The following SMAD2 variants were observed in gnomAD, a reference collection of about 807,000 sequenced individuals.
SMAD2 encodes the protein MAD homolog 2.
In SMAD2, 8 loss-of-function variants were observed where a neutral mutation model predicts 64.4. The ratio of observed to expected loss-of-function variants is 0.12; its 90% CI spans 0.07 to 0.22. The LOEUF (loss-of-function observed/expected upper bound fraction) is 0.22, where lower values mean the gene tolerates loss of function less well. Ranked by LOEUF, SMAD2 falls within the 10% of genes least tolerant of loss-of-function variation. The probability of loss-of-function intolerance (pLI) is 1.00; values close to 1 mark genes in which losing one functional copy is unlikely to be tolerated. For missense variants in SMAD2, 289 were observed against 561.2 expected (o/e 0.51, Z 4.90); for synonymous variants, 203 against 195.8 (o/e 1.04, Z -0.31).
chr18:47,898,854 T>C (rs2033558046), intron 1 of SMAD2, among the ~76,000 whole-genome samples: 2 of 151,316 alleles, frequency 1.3e-5, no homozygotes, highest in African/African-American at 4.9e-5. Flanking sequence ...CCTTGGCAGC[T>C]TGCCATTTAT....
chr18:47,873,302 A>G (rs1002906899), intron 2 of SMAD2, among the ~76,000 whole-genome samples: 1 of 152,198 alleles, frequency 6.6e-6, no homozygotes, highest in African/African-American at 2.4e-5. Flanking sequence ...TTTAAACATA[A>G]CTAAAGAACA....
In SMAD2 at chr18:47,830,132, T is replaced by C. The variant is rs1912929820; in HGVS notation, c.*11695A>G. 1 of 152,258 alleles carries C rather than the reference T, an allele frequency of 6.6e-6. No individual in the cohort carries two copies. Among genetic ancestry groups the C allele is most frequent in the South Asian group, 2.1e-4 (1 of 4,838 alleles). 9.4% of individuals were successfully genotyped at this position (152,258 alleles called of 1,614,324 possible). On this transcript the variant is annotated 3_prime_UTR_variant, in exon 11 of 11. Coordinates refer to ENST00000262160, the MANE Select transcript of SMAD2 (RefSeq NM_005901.6). Reference sequence around the variant, plus strand: ...CGATGTACATTTTTAAATGTGGTGATAACACGTTATTATTCATGATTTAAA... The same window carrying C: ...CGATGTACATTTTTAAATGTGGTGACAACACGTTATTATTCATGATTTAAA...
chr18:47,865,019 T>C (rs1177379668), intron 6 of SMAD2, 40 bp downstream of exon 6: 10 of 1,130,862 alleles, frequency 8.8e-6, no homozygotes, highest in Admixed American at 1.7e-5. Flanking sequence ...AAGAAATGTA[T>C]ATCTAATAAC....
At chr18:47,892,607 G>A (rs189221925) in intron 2 of SMAD2, among the ~76,000 whole-genome samples, 184 of 151,866 alleles carry the variant, frequency 1.2e-3, no homozygotes, top group African/African-American at 4.3e-3. Flanking sequence ...CTTTTCTTTC[G>A]CTATTCTTGT....
At chr18:47,928,090 A>G (rs2034840449) in intron 1 of SMAD2, among the ~76,000 whole-genome samples, 1 of 152,136 alleles carries the variant, frequency 6.6e-6, no homozygotes, top group African/African-American at 2.4e-5. Context: ...AATCTAAAAG[A>G]CATGCCCCCC....
Position 47,823,122 on chromosome 18 carries a change from TG to T in SMAD2, c.*18704del, listed in dbSNP as rs1311851294. 1 of 152,238 alleles carries T rather than the reference TG, an allele frequency of 6.6e-6. No individual in the cohort carries two copies. The highest frequency in any genetic ancestry group is 1.5e-5 in the Non-Finnish European group (1 of 68,046). The allele number at this position is 152,238 out of a possible 1,614,324, so 9.4% of individuals were successfully genotyped here. ...GATTAAAATGTCATATTTGAGAATGTGTAGAATGCCTGGCTTCAATGGTTCT... is the reference window on the plus strand; with the variant it reads ...GATTAAAATGTCATATTTGAGAATGTTAGAATGCCTGGCTTCAATGGTTCT... On this transcript the variant is annotated 3_prime_UTR_variant, in exon 11 of 11. Transcript: ENST00000262160.
At chr18:47,921,368 T>C (rs914903035) in intron 1 of SMAD2, among the ~76,000 whole-genome samples, 6 of 152,212 alleles carry the variant, frequency 3.9e-5, no homozygotes, top group African/African-American at 1.4e-4. Context: ...GTAAAGCTAC[T>C]TGCCTTTGAA....
At chr18:47,876,705 T>G (rs966109046) in intron 2 of SMAD2, among the ~76,000 whole-genome samples, 3 of 152,062 alleles carry the variant, frequency 2.0e-5, no homozygotes, top group African/African-American at 7.2e-5. Flanking sequence ...CAATAAGTAT[T>G]TCAGTAAAAC....
In SMAD2 at chr18:47,821,141, C is replaced by T. The variant is rs1912559686; in HGVS notation, c.*20686G>A. ...GCTGTCTTTTTTCATTTAAGATGGT[C>T]ATTTCATTTCTTGAGGTAGAGTTTT... On this transcript the variant is annotated 3_prime_UTR_variant, in exon 11 of 11. Transcript: ENST00000262160. The T allele has an allele frequency of 6.6e-6, 1 of 151,396 alleles. No individual in the cohort carries two copies. Among genetic ancestry groups the T allele is most frequent in the Admixed American group, 6.6e-5 (1 of 15,232 alleles). 9.4% of individuals were successfully genotyped at this position (151,396 alleles called of 1,614,324 possible).
At chr18:47,856,854 A>ATT (rs758202544) in intron 6 of SMAD2, among the ~76,000 whole-genome samples, 1,925 of 123,272 alleles carry the variant, frequency 0.016, 70 homozygotes, top group African/African-American at 0.028. Context: ...AACTATGCTA[A>ATT]TTTTTTTTTT....
chr18:47,929,518 G>C (rs2034910495), intron 1 of SMAD2, among the ~76,000 whole-genome samples: 1 of 152,158 alleles, frequency 6.6e-6, no homozygotes. Context: ...ATTTAAGATA[G>C]TCCAAATTGC....
In SMAD2 at chr18:47,838,414, A is replaced by C; in HGVS notation, c.*3413T>G. On this transcript the variant is annotated 3_prime_UTR_variant, in exon 11 of 11. Coordinates refer to ENST00000262160, the MANE Select transcript of SMAD2 (RefSeq NM_005901.6). Reference sequence around the variant, plus strand: ...CCTCTACAAGACCAAGCACAGCTCAAGGGTCAGGGCCCCGTCCTAGTCATC... The same window carrying C: ...CCTCTACAAGACCAAGCACAGCTCACGGGTCAGGGCCCCGTCCTAGTCATC... 4.3e-6 allele frequency: 1 copy of C among 233,360 alleles called. No homozygotes were observed. The highest frequency in any genetic ancestry group is 6.0e-5 in the East Asian group (1 of 16,670). 14.5% of individuals were successfully genotyped at this position (233,360 alleles called of 1,614,324 possible). A position where few individuals can be genotyped will look rare whatever the true frequency, so the allele number is the denominator to read the frequency against.
Position 47,869,228 on chromosome 18 carries a change from T to C in SMAD2, c.520+15A>G, listed in dbSNP as rs557053613. On this transcript the variant is annotated intron_variant, in intron 4 of 10. Coordinates refer to ENST00000262160, the MANE Select transcript of SMAD2 (RefSeq NM_005901.6). ...TTTAATTCAAAACCAAGAAAAAAAC[T>C]TGCAATATTCCTACCTGGTGTCTCA... 6.2e-7 allele frequency: 1 copy of C among 1,600,036 alleles called. No homozygotes were observed. The highest frequency in any genetic ancestry group is 2.2e-5 in the East Asian group (1 of 44,774).
intron 1 of SMAD2, among the ~76,000 whole-genome samples, chr18:47,897,627 A>T (rs1292620495): frequency 6.6e-6 from 1 of 152,100 alleles, no homozygotes; most frequent in African/African-American, 2.4e-5. Flanking sequence ...TATATCTTGA[A>T]ATTATTTTTT....
chr18:47,860,329 C>T (rs750386416), intron 6 of SMAD2, among the ~76,000 whole-genome samples: 2 of 152,012 alleles, frequency 1.3e-5, no homozygotes, highest in African/African-American at 2.4e-5. Context: ...TGGAGTGCAG[C>T]GGCGCAAACA....
chr18:47,904,233 T>C (rs1420186653), intron 1 of SMAD2, among the ~76,000 whole-genome samples: 1 of 148,522 alleles, frequency 6.7e-6, no homozygotes, highest in African/African-American at 2.5e-5. Flanking sequence ...CTTCCTCCCA[T>C]TTGGTGGCAT....
chr18:47,891,959 T>C (rs1568089769), intron 2 of SMAD2, among the ~76,000 whole-genome samples: 3 of 152,136 alleles, frequency 2.0e-5, no homozygotes, highest in African/African-American at 7.2e-5. Context: ...TACTAAAAAT[T>C]TGGTCAATTA....
intron 3 of SMAD2, 27 bp downstream of exon 3, chr18:47,870,448 A>T (rs2144383674): frequency 6.5e-7 from 1 of 1,539,170 alleles, no homozygotes; most frequent in South Asian, 1.1e-5. Context: ...AAGATCTCTA[A>T]GATTCGACAG....
intron 6 of SMAD2, among the ~76,000 whole-genome samples, chr18:47,852,831 CAT>C (rs2030254711): frequency 6.6e-6 from 1 of 152,168 alleles, no homozygotes; most frequent in Non-Finnish European, 1.5e-5. Flanking sequence ...CCACAGACAA[CAT>C]ATGAAAAATC....
Sources: gnomAD v4.1 joint callset for allele counts (sites outside exome capture counted in the v4.1 genomes callset) on GRCh38, gnomAD v4.1.1 for gene constraint, MANE v1.5 for transcripts, NCBI Gene and HGNC (gene_info 2026-07-23, HGNC 2026-07-21) for gene names.